TRIM25: variants seen among roughly 807,000 people sequenced by gnomAD.
The protein encoded by TRIM25 is E3 ubiquitin/ISG15 ligase TRIM25.
Under a neutral mutation model 65.2 loss-of-function variants are expected in TRIM25, and 45 were observed. The observed-to-expected ratio is 0.69, with a 90% CI of 0.54 to 0.89. TRIM25 has a LOEUF of 0.89. TRIM25 is among the 40% of genes least tolerant of loss of function. The probability of loss-of-function intolerance (pLI) is 0.00; values close to 1 mark genes in which losing one functional copy is unlikely to be tolerated. For synonymous variants in TRIM25, 321 were observed against 340.4 expected (o/e 0.94, Z 0.63); for missense variants, 714 against 803.7 (o/e 0.89, Z 1.35).
At position 56,889,398 on chromosome 17, in the gene TRIM25, C is replaced by T. The variant is rs1909121167; in HGVS notation, c.*2302G>A. 5.1e-6 allele frequency: 1 copy of T among 194,510 alleles called. No individual in the cohort carries two copies. Among genetic ancestry groups the T allele is most frequent in the Non-Finnish European group, 1.0e-5 (1 of 96,252 alleles). The allele number at this position is 194,510 out of a possible 1,614,324, so 12.0% of individuals were successfully genotyped here. On this transcript the variant is annotated 3_prime_UTR_variant, in exon 9 of 9. Transcript: ENST00000316881. The stretch of plus-strand genomic sequence containing the variant: ...ACAGAGCGATCCTCTACTTTCTCAT[C>T]ATATTCTGCAAAATGAGAAGTCAGA...
At position 56,899,176 on chromosome 17, in the gene TRIM25, G is replaced by A. The variant is rs1567839689; in HGVS notation, c.1092C>T (p.Asp364=). Reference sequence around the variant, plus strand: ...TGGACGCTGGGTCATGCTCTCCAGGGTCACCTGTGTCAGAGAAGAAGGGCT... The same window carrying A: ...TGGACGCTGGGTCATGCTCTCCAGGATCACCTGTGTCAGAGAAGAAGGGCT... ...RLQEPTPSSG[D]PGEHDPASTH... is the part of the protein sequence containing the mutation. Residue 364 remains aspartate, a synonymous_variant, in exon 5 of 9, where the codon GAC becomes GAT. Coordinates refer to ENST00000316881, the MANE Select transcript of TRIM25 (RefSeq NM_005082.5). 1 of 1,614,166 alleles carries A rather than the reference G, an allele frequency of 6.2e-7. No homozygotes were observed. Among genetic ancestry groups the A allele is most frequent in the South Asian group, 1.1e-5 (1 of 91,076 alleles).
chr17:56,892,608 T>C (rs1398657774), intron 8 of TRIM25, among the ~76,000 whole-genome samples: 1 of 152,232 alleles, frequency 6.6e-6, no homozygotes, highest in Admixed American at 6.5e-5. Flanking sequence ...TGTCCATTTA[T>C]CCATCCACCC....
chr17:56,900,724 T>TG (rs999619923), intron 4 of TRIM25, among the ~76,000 whole-genome samples: 123 of 150,492 alleles, frequency 8.2e-4, no homozygotes, highest in African/African-American at 2.9e-3. Flanking sequence ...CAGAGGAGAG[T>TG]GGGGGGCGCC....
chr17:56,891,650 T>C lies in TRIM25; in HGVS notation c.*50A>G, dbSNP rs1909172586. The C allele has an allele frequency of 7.1e-7, 1 of 1,407,788 alleles. No homozygotes were observed. Among genetic ancestry groups the C allele is most frequent in the South Asian group, 1.2e-5 (1 of 82,494 alleles). 87.2% of individuals were successfully genotyped at this position (1,407,788 alleles called of 1,614,324 possible). On this transcript the variant is annotated 3_prime_UTR_variant, in exon 9 of 9. Transcript: ENST00000316881. ...AGAGTTCTGCCTGCTGTATTTTCAC[T>C]AGGGTCTTGGGACTTCTGCAGGCAG...
At chr17:56,893,102 T>A (rs1909215679) in intron 8 of TRIM25, among the ~76,000 whole-genome samples, 1 of 151,956 alleles carries the variant, frequency 6.6e-6, no homozygotes, top group Non-Finnish European at 1.5e-5. Context: ...TGTGCTGGGA[T>A]CGGGGAAGCT....
At chr17:56,912,593 A>G (rs1297531666) in intron 1 of TRIM25, among the ~76,000 whole-genome samples, 1 of 152,104 alleles carries the variant, frequency 6.6e-6, no homozygotes, top group Non-Finnish European at 1.5e-5. Context: ...TCCGGACTCT[A>G]CGGACCTGGA....
In TRIM25 at chr17:56,889,460, G is replaced by A. The variant is rs915053410; in HGVS notation, c.*2240C>T. On this transcript the variant is annotated 3_prime_UTR_variant, in exon 9 of 9. Transcript: ENST00000316881. The stretch of plus-strand genomic sequence containing the variant: ...GTTCCTCCAACTCTAGGACTCCAGG[G>A]TTGTGTGGCGGCCCTGCAAGGCTAG... 6 of 297,650 alleles carry A rather than the reference G, an allele frequency of 2.0e-5. No individual in the cohort carries two copies. In the Admixed American group the frequency reaches 2.0e-4, roughly 10 times the overall value. 18.4% of individuals were successfully genotyped at this position (297,650 alleles called of 1,614,324 possible).
At chr17:56,895,736 T>C in intron 6 of TRIM25, 132 bp from the exon 7 acceptor site, 2 of 1,206,542 alleles carry the variant, frequency 1.7e-6, no homozygotes, top group Non-Finnish European at 2.3e-6. Context: ...CAGACAAGGC[T>C]AAAGTCACCT....
chr17:56,899,339 T>C (rs530285580), intron 4 of TRIM25, among the ~76,000 whole-genome samples, 159 bp from the exon 5 acceptor site: 13 of 152,324 alleles, frequency 8.5e-5, no homozygotes, highest in African/African-American at 2.6e-4. Flanking sequence ...AACAAGGTGA[T>C]CTAAGAACCA....
At chr17:56,900,614 G>A (rs958143556) in intron 4 of TRIM25, among the ~76,000 whole-genome samples, 4 of 152,144 alleles carry the variant, frequency 2.6e-5, no homozygotes, top group East Asian at 1.9e-4. Context: ...TAGTGAAGAC[G>A]GTGGAGTTCA....
chr17:56,890,595 A>G lies in TRIM25; in HGVS notation c.*1105T>C, dbSNP rs375127320. 4.4e-5 allele frequency: 20 copies of G among 456,344 alleles called. 1 individual carries two copies. The highest frequency in any genetic ancestry group is 1.4e-4 in the East Asian group (2 of 14,364). The allele number at this position is 456,344 out of a possible 1,614,324, so 28.3% of individuals were successfully genotyped here. On this transcript the variant is annotated 3_prime_UTR_variant, in exon 9 of 9. Transcript: ENST00000316881. ...TTGACACCCCAGCAAGTGGCCTAGC[A>G]TGGTCCGAGGCAGCCGCATAGCCTG... is the stretch of plus-strand genomic sequence containing the variant.
In TRIM25 at chr17:56,889,518, G is replaced by A; in HGVS notation, c.*2182C>T. 1 of 375,902 alleles carries A rather than the reference G, an allele frequency of 2.7e-6. No individual in the cohort carries two copies. Among genetic ancestry groups the A allele is most frequent in the Non-Finnish European group, 4.7e-6 (1 of 212,028 alleles). The allele number at this position is 375,902 out of a possible 1,614,324, so 23.3% of individuals were successfully genotyped here. ...AAGGTCTCACCATTGCAAACAGAAT[G>A]GTTCAAGACAGCAAGGATGCACTCC... On this transcript the variant is annotated 3_prime_UTR_variant, in exon 9 of 9. Coordinates refer to ENST00000316881, the MANE Select transcript of TRIM25 (RefSeq NM_005082.5).
rs748747680 is a variant in TRIM25 at position 56,890,554 on chromosome 17, C to T, written c.*1146G>A. 6 of 454,662 alleles carry T rather than the reference C, an allele frequency of 1.3e-5. No individual in the cohort carries two copies. The highest frequency in any genetic ancestry group is 2.6e-5 in the Non-Finnish European group (6 of 226,708). 28.2% of individuals were successfully genotyped at this position (454,662 alleles called of 1,614,324 possible). A position where few individuals can be genotyped will look rare whatever the true frequency, so the allele number is the denominator to read the frequency against. The stretch of plus-strand genomic sequence containing the variant: ...GTTCCCCATGAGGTTTGCTAAAAGA[C>T]CCCTTTGGTGGTAGGTTGACACCCC... On this transcript the variant is annotated 3_prime_UTR_variant, in exon 9 of 9. Coordinates refer to ENST00000316881, the MANE Select transcript of TRIM25 (RefSeq NM_005082.5).
intron 3 of TRIM25, 24 bp downstream of exon 3, chr17:56,904,228 ATTC>A: frequency 2.6e-6 from 4 of 1,545,110 alleles, no homozygotes; most frequent in African/African-American, 1.4e-5. Flanking sequence ...AAAAAAAAAC[ATTC>A]AACAATGCCT....
chr17:56,899,229 C>T (rs748374274), intron 4 of TRIM25, 49 bp from the exon 5 acceptor site: 6 of 1,607,204 alleles, frequency 3.7e-6, no homozygotes, highest in Non-Finnish European at 1.7e-6. Context: ...CTCACTGACC[C>T]TAGCAGCCAG....
chr17:56,897,898 A>G (rs1052491497), intron 5 of TRIM25, among the ~76,000 whole-genome samples: 1 of 152,172 alleles, frequency 6.6e-6, no homozygotes, highest in African/African-American at 2.4e-5. Flanking sequence ...TCCCTCCTCC[A>G]TCTGCACCAG....
chr17:56,890,313 G>C lies in TRIM25; in HGVS notation c.*1387C>G. On this transcript the variant is annotated 3_prime_UTR_variant, in exon 9 of 9. Coordinates refer to ENST00000316881, the MANE Select transcript of TRIM25 (RefSeq NM_005082.5). ...ATTCACTCCCGCCCCTTAGTGGACT[G>C]GGTTATTTTCACCACACAGAAACAC... The C allele has an allele frequency of 2.9e-6, 1 of 342,864 alleles. No individual in the cohort carries two copies. The highest frequency in any genetic ancestry group is 2.2e-5 in the South Asian group (1 of 45,574). The allele number at this position is 342,864 out of a possible 1,614,324, so 21.2% of individuals were successfully genotyped here.
chr17:56,891,966 C>A lies in TRIM25; in HGVS notation c.1627G>T (p.Gly543Cys). ...MNRQGPESRL[G>C]RNSASWCVEW... ...ACGCACCAGGAGGCGCTGTTGCGGC[C>A]GAGCCTGCTTTCTGGGCCCTGCCGG... Residue 543 changes from glycine (G) to cysteine (C), a missense_variant, in exon 9 of 9, where the codon GGC becomes TGC. Transcript: ENST00000316881. 1 of 1,614,188 alleles carries A rather than the reference C, an allele frequency of 6.2e-7. No homozygotes were observed.
chr17:56,901,656 G>A (rs959679017), intron 3 of TRIM25, 78 bp from the exon 4 acceptor site: 1 of 1,572,696 alleles, frequency 6.4e-7, no homozygotes, highest in African/African-American at 1.3e-5. Context: ...AACCCCAGGA[G>A]GCTCTCCCCT....
Sources: allele counts gnomAD v4.1 joint callset (sites outside exome capture counted in the v4.1 genomes callset), GRCh38; gene constraint gnomAD v4.1.1; transcripts MANE v1.5; gene names NCBI Gene and HGNC (gene_info 2026-07-23, HGNC 2026-07-21).